Variants in TFDP2 observed in about 807,000 individuals in gnomAD.
TFDP2 encodes transcription factor Dp-2.
Under a neutral mutation model 59.3 loss-of-function variants are expected in TFDP2, and 17 were observed. The observed-to-expected ratio is 0.29, with a 90% CI of 0.20 to 0.43. The LOEUF (loss-of-function observed/expected upper bound fraction) is 0.43, where lower values mean the gene tolerates loss of function less well. Ranked by LOEUF, TFDP2 falls within the 20% of genes least tolerant of loss-of-function variation. The pLI, the probability that TFDP2 is intolerant of heterozygous loss-of-function variation, is 1.00. For missense variants in TFDP2, 391 were observed against 528.8 expected, an observed-to-expected ratio of 0.74 and a Z score of 2.56; for synonymous variants, 180 against 194.7, an observed-to-expected ratio of 0.92 and a Z score of 0.63.
At chr3:142,122,284 T>C (rs1577034979) in intron 1 of TFDP2, among the ~76,000 whole-genome samples, 1 of 152,238 alleles carries the variant, frequency 6.6e-6, no homozygotes, top group South Asian at 2.1e-4. Context: ...CAGTGCAAAC[T>C]TACACTATCT....
At chr3:142,082,243 C>T (rs529088179) in intron 3 of TFDP2, among the ~76,000 whole-genome samples, 2 of 152,270 alleles carry the variant, frequency 1.3e-5, no homozygotes, top group South Asian at 2.1e-4. Context: ...CTCCCGTCAC[C>T]CCAAGATGGG....
intron 3 of TFDP2, among the ~76,000 whole-genome samples, chr3:142,058,792 A>T (rs140836549): frequency 2.0e-4 from 31 of 152,198 alleles, no homozygotes; most frequent in African/African-American, 6.7e-4. Context: ...AAGCTCTCCA[A>T]ACTGTCATTT....
At chr3:142,008,390 C>G (rs1053518907) in intron 3 of TFDP2, among the ~76,000 whole-genome samples, 3 of 152,118 alleles carry the variant, frequency 2.0e-5, no homozygotes, top group Admixed American at 2.0e-4. Context: ...GCCTCTCAGA[C>G]TCCTCAACAT....
intron 11 of TFDP2, among the ~76,000 whole-genome samples, chr3:141,959,408 C>T (rs1937085834): frequency 6.6e-6 from 1 of 152,164 alleles, no homozygotes; most frequent in African/African-American, 2.4e-5. Context: ...TACAAGATCT[C>T]TCTGAAGAGC....
intron 3 of TFDP2, among the ~76,000 whole-genome samples, chr3:142,073,683 T>G (rs2060340598): frequency 6.6e-6 from 1 of 152,156 alleles, no homozygotes; most frequent in Admixed American, 6.6e-5. Flanking sequence ...TGCTTTTGTC[T>G]TGTTAAATCA....
chr3:142,000,731 T>C (rs1186018176), intron 4 of TFDP2, among the ~76,000 whole-genome samples: 1 of 152,180 alleles, frequency 6.6e-6, no homozygotes, highest in African/African-American at 2.4e-5. Context: ...AATGCAATGA[T>C]GGGACAGGCA....
At chr3:142,137,501 T>G (rs1339417739) in intron 1 of TFDP2, among the ~76,000 whole-genome samples, 1 of 152,226 alleles carries the variant, frequency 6.6e-6, no homozygotes, top group Non-Finnish European at 1.5e-5. Flanking sequence ...CCATTCAGTA[T>G]GATATTGGCT....
intron 3 of TFDP2, among the ~76,000 whole-genome samples, chr3:142,010,608 C>CAAA (rs34003711): frequency 3.0e-4 from 17 of 56,990 alleles, no homozygotes; most frequent in East Asian, 1.0e-3. Flanking sequence ...GACTCTGTCT[C>CAAA]AAAAAAAAAA....
rs1355676114 is a variant in TFDP2 at position 142,018,096 on chromosome 3, C to A, written c.83-12552G>T. 2.6e-5 allele frequency among the ~76,000 whole-genome samples: 4 copies of A among 152,152 alleles called. No homozygotes were observed. The East Asian group carries it at 5.8e-4, about 22-fold the overall frequency. ...GAGCTGGGATTACAGGCACCCATCA[C>A]CACGCTTGGCTAATTTTTATACTTT... On this transcript the variant is annotated intron_variant, in intron 3 of 12. Coordinates refer to ENST00000489671, the MANE Select transcript of TFDP2 (RefSeq NM_001178139.2).
chr3:142,054,084 T>C (rs1576851270), intron 3 of TFDP2: 1 of 152,240 alleles, frequency 6.6e-6, no homozygotes, highest in East Asian at 1.9e-4. Context: ...ACATGTTTGG[T>C]AATTGCTTAT....
chr3:142,117,847 A>T (rs2061898255), intron 1 of TFDP2, among the ~76,000 whole-genome samples: 1 of 152,218 alleles, frequency 6.6e-6, no homozygotes. Flanking sequence ...CTGTAATCCC[A>T]GCACTTTGGG....
chr3:142,098,562 G>A (rs376400213), intron 2 of TFDP2, among the ~76,000 whole-genome samples: 34 of 151,944 alleles, frequency 2.2e-4, no homozygotes, highest in African/African-American at 7.2e-4. Context: ...CCATCTCCAC[G>A]GAGTTTAAGC....
chr3:142,090,752 G>A (rs950082224), intron 3 of TFDP2: 1 of 151,894 alleles, frequency 6.6e-6, no homozygotes, highest in South Asian at 2.1e-4. Flanking sequence ...GTAGAGACAG[G>A]GTTTCACCAT....
intron 3 of TFDP2, among the ~76,000 whole-genome samples, chr3:142,014,702 T>G (rs1238738634): frequency 6.6e-6 from 1 of 152,072 alleles, no homozygotes; most frequent in Non-Finnish European, 1.5e-5. Flanking sequence ...CTAAAAAACA[T>G]CCCTTCAACT....
chr3:142,089,675 G>C (rs1355123631), intron 3 of TFDP2, among the ~76,000 whole-genome samples: 6 of 151,592 alleles, frequency 4.0e-5, no homozygotes, highest in Non-Finnish European at 8.8e-5. Context: ...CAACAAAAAA[G>C]ACAAATATCC....
chr3:141,955,706 C>A (rs9815587), intron 11 of TFDP2, among the ~76,000 whole-genome samples: 129,218 of 152,230 alleles, frequency 0.85, 54,878 homozygotes, highest in Middle Eastern at 0.87. Context: ...GTATCTTAGA[C>A]CTAGTATTAA....
intron 6 of TFDP2, among the ~76,000 whole-genome samples, chr3:141,979,543 A>G (rs1352397075): frequency 6.6e-6 from 1 of 152,118 alleles, no homozygotes; most frequent in African/African-American, 2.4e-5. Context: ...GGTGGAGGAC[A>G]GTGATATTGA....
In TFDP2 at chr3:141,993,520, A is replaced by C. The variant is rs757590456; in HGVS notation, c.356+18T>G. 1.9e-5 allele frequency: 29 copies of C among 1,542,362 alleles called. No homozygotes were observed. The highest frequency in any genetic ancestry group is 2.5e-5 in the Non-Finnish European group (28 of 1,133,642). ...TATAGCCAAATCTTCCAAACAAAAT[A>C]GTTAGACTTATACTCACCTTTCTGA... On this transcript the variant is annotated intron_variant, in intron 6 of 12. Coordinates refer to ENST00000489671, the MANE Select transcript of TFDP2 (RefSeq NM_001178139.2).
At chr3:141,980,544 TTTTG>T (rs1378705097) in intron 6 of TFDP2, among the ~76,000 whole-genome samples, 8 of 152,130 alleles carry the variant, frequency 5.3e-5, no homozygotes, top group Non-Finnish European at 7.4e-5. Flanking sequence ...TTTGTGTTTT[TTTTG>T]TTTGTTTGTT....
Sources: allele counts gnomAD v4.1 joint callset (sites outside exome capture counted in the v4.1 genomes callset), GRCh38; gene constraint gnomAD v4.1.1; transcripts MANE v1.5; gene names NCBI Gene and HGNC (gene_info 2026-07-23, HGNC 2026-07-21).